Variants in MYRIP observed in about 807,000 individuals in gnomAD.
The protein encoded by MYRIP is rab effector MyRIP.
Under a neutral mutation model 98.0 loss-of-function variants are expected in MYRIP, and 49 were observed. That is an observed-to-expected ratio of 0.50 (90% CI 0.40 to 0.63). MYRIP has a LOEUF of 0.63. MYRIP is among the 30% of genes least tolerant of loss of function. The pLI is 0.00. For missense variants in MYRIP, 1,004 were observed against 1,058.2 expected (o/e 0.95, Z 0.71); for synonymous variants, 404 against 409.5 (o/e 0.99, Z 0.16).
At chr3:40,016,002 G>T (rs927186733) in intron 2 of MYRIP, among the ~76,000 whole-genome samples, 8 of 151,980 alleles carry the variant, frequency 5.3e-5, no homozygotes, top group Admixed American at 1.3e-4. Flanking sequence ...TTTGGCATTG[G>T]GCAAAGGTGG....
intron 2 of MYRIP, among the ~76,000 whole-genome samples, chr3:39,991,379 T>C (rs1190472657): frequency 6.6e-6 from 1 of 152,196 alleles, no homozygotes; most frequent in Non-Finnish European, 1.5e-5. Flanking sequence ...AGAGGTAAAA[T>C]GAGAACTGAA....
intron 1 of MYRIP, among the ~76,000 whole-genome samples, chr3:39,877,925 TTGTC>T (rs1354569764): frequency 6.6e-6 from 1 of 152,214 alleles, no homozygotes; most frequent in African/African-American, 2.4e-5. Context: ...GTCTTTTTGT[TTGTC>T]TGTGCCCTGC....
intron 2 of MYRIP, among the ~76,000 whole-genome samples, chr3:39,939,145 T>G (rs1944724008): frequency 1.3e-5 from 2 of 152,176 alleles, no homozygotes; most frequent in Admixed American, 6.5e-5. Flanking sequence ...AAATCTCACT[T>G]TGGCTTCAAA....
chr3:40,006,850 ATGT>A (rs933567179), intron 2 of MYRIP, among the ~76,000 whole-genome samples: 2 of 152,142 alleles, frequency 1.3e-5, no homozygotes, highest in Non-Finnish European at 2.9e-5. Context: ...TAAATGGGAC[ATGT>A]TGTTGTGAGG....
At chr3:39,961,646 G>C (rs966644917) in intron 2 of MYRIP, among the ~76,000 whole-genome samples, 6 of 152,070 alleles carry the variant, frequency 3.9e-5, no homozygotes, top group Admixed American at 3.9e-4. Context: ...GAAGACCCCA[G>C]ATTTGGATTT....
chr3:40,157,273 T>C (rs1279720197), intron 4 of MYRIP, among the ~76,000 whole-genome samples: 6 of 145,284 alleles, frequency 4.1e-5, no homozygotes, highest in African/African-American at 1.6e-4. Context: ...TTGTCTTTGG[T>C]TCTGTTTATA....
chr3:39,865,464 TAAAC>T (rs1375670603), intron 1 of MYRIP, among the ~76,000 whole-genome samples: 5 of 152,118 alleles, frequency 3.3e-5, no homozygotes, highest in South Asian at 4.2e-4. Flanking sequence ...ATAAGGAACT[TAAAC>T]AAATTAACAA....
At chr3:40,221,166 T>C (rs1383110868) in intron 11 of MYRIP, among the ~76,000 whole-genome samples, 2 of 152,104 alleles carry the variant, frequency 1.3e-5, no homozygotes, top group Non-Finnish European at 2.9e-5. Flanking sequence ...ACTTGCCATA[T>C]GGTTAGCACA....
intron 11 of MYRIP, among the ~76,000 whole-genome samples, chr3:40,231,110 C>T (rs1436715192): frequency 6.6e-6 from 1 of 152,214 alleles, no homozygotes; most frequent in Non-Finnish European, 1.5e-5. Flanking sequence ...CAGGCATGAG[C>T]CACCACGCCC....
At chr3:40,078,330 C>G (rs937129832) in intron 3 of MYRIP, among the ~76,000 whole-genome samples, 2 of 152,192 alleles carry the variant, frequency 1.3e-5, no homozygotes, top group Non-Finnish European at 2.9e-5. Flanking sequence ...CCCTGCGAGC[C>G]GGCTCTGGCC....
intron 2 of MYRIP, among the ~76,000 whole-genome samples, chr3:39,954,197 G>A (rs921681929): frequency 7.2e-5 from 11 of 152,126 alleles, no homozygotes; most frequent in Admixed American, 3.3e-4. Context: ...ATCTGAGAAC[G>A]GATAGACTGC....
intron 12 of MYRIP, among the ~76,000 whole-genome samples, chr3:40,237,077 G>A (rs533651466): frequency 9.8e-5 from 15 of 152,292 alleles, no homozygotes; most frequent in Middle Eastern, 3.4e-3. Flanking sequence ...AGCACTTTGG[G>A]AGGCCAAGAT....
chr3:39,891,841 T>G (rs1422812956), intron 1 of MYRIP, among the ~76,000 whole-genome samples: 1 of 152,070 alleles, frequency 6.6e-6, no homozygotes, highest in African/African-American at 2.4e-5. Flanking sequence ...TTTTTGTTAT[T>G]TTGTAGAGAT....
At chr3:40,085,674 G>C (rs954858980) in intron 3 of MYRIP, among the ~76,000 whole-genome samples, 1 of 152,132 alleles carries the variant, frequency 6.6e-6, no homozygotes, top group Non-Finnish European at 1.5e-5. Context: ...CCCCAGCAAG[G>C]GAGTACTTAG....
intron 9 of MYRIP, among the ~76,000 whole-genome samples, chr3:40,189,282 T>A (rs1165009025): frequency 6.6e-6 from 1 of 152,216 alleles, no homozygotes; most frequent in East Asian, 1.9e-4. Context: ...TGAGGCATGT[T>A]CCTTGAGTTA....
intron 2 of MYRIP, among the ~76,000 whole-genome samples, chr3:39,919,567 T>C (rs1170186164): frequency 1.3e-5 from 2 of 152,190 alleles, no homozygotes; most frequent in Admixed American, 1.3e-4. Flanking sequence ...ACCAGTTTTA[T>C]CCAATTGTGT....
chr3:39,971,329 A>T (rs6802333), intron 2 of MYRIP, among the ~76,000 whole-genome samples: 44,118 of 151,926 alleles, frequency 0.29, 6,834 homozygotes, highest in Non-Finnish European at 0.35. Context: ...GCTCTCAGGT[A>T]TCTGCTTCTT....
chr3:39,998,889 C>A (rs1225125265), intron 2 of MYRIP, among the ~76,000 whole-genome samples: 1 of 152,198 alleles, frequency 6.6e-6, no homozygotes, highest in Non-Finnish European at 1.5e-5. Flanking sequence ...CTACAACCAT[C>A]TGATCTTTGA....
At chr3:39,987,626 T>C (rs1356776767) in intron 2 of MYRIP, among the ~76,000 whole-genome samples, 3 of 152,192 alleles carry the variant, frequency 2.0e-5, no homozygotes. Flanking sequence ...CCACCAACGG[T>C]GTAAAAGCAT....
Sources: gnomAD v4.1 joint callset for allele counts (sites outside exome capture counted in the v4.1 genomes callset) on GRCh38, gnomAD v4.1.1 for gene constraint, MANE v1.5 for transcripts, NCBI Gene and HGNC (gene_info 2026-07-23, HGNC 2026-07-21) for gene names.